Variants in JDP2 observed in about 807,000 individuals in gnomAD.
JDP2 encodes the protein Jun dimerization protein 2.
In JDP2, 9 loss-of-function variants were observed where a neutral mutation model predicts 17.1. The observed-to-expected ratio is 0.53, with a 90% confidence interval of 0.32 to 0.92. The LOEUF is 0.92. Ranked by LOEUF, JDP2 falls within the 40% of genes least tolerant of loss-of-function variation. The probability of loss-of-function intolerance (pLI) is 0.04; values close to 1 mark genes in which losing one functional copy is unlikely to be tolerated. For missense variants in JDP2, 179 were observed against 220.0 expected (o/e 0.81, Z 1.18); for synonymous variants, 107 against 95.6 (o/e 1.12, Z -0.69).
intron 3 of JDP2, among the ~76,000 whole-genome samples, chr14:75,462,664 G>A (rs1164767034): frequency 6.6e-6 from 1 of 152,176 alleles, no homozygotes; most frequent in African/African-American, 2.4e-5. Flanking sequence ...TACACTGGGG[G>A]CACACAGGAA....
rs748749062 is a variant in JDP2, at chr14:75,438,004, G to A, written c.84G>A (p.Ser28=). Residue 28 remains serine (S), a synonymous_variant, in exon 2 of 4, where the codon TCG becomes TCA. Transcript: ENST00000651602. ...GLGPLTGLPS[S]ALTVEELKYA... is the part of the protein sequence containing the mutation. ...GCCCCCTGACCGGGCTCCCCAGCTC[G>A]GCCCTGACTGTGGAGGAGCTGAAAT... 41 of 1,613,698 alleles carry A rather than the reference G, an allele frequency of 2.5e-5. No homozygotes were observed. Among genetic ancestry groups the A allele is most frequent in the African/African-American group, 6.7e-5 (5 of 74,950 alleles).
intron 2 of JDP2, among the ~76,000 whole-genome samples, chr14:75,452,161 A>T (rs78453855): frequency 6.6e-6 from 1 of 152,214 alleles, no homozygotes; most frequent in Admixed American, 6.5e-5. Context: ...TGAAGGCTGG[A>T]TGAATGAAAA....
rs1476963221 is a variant in JDP2, at chr14:75,472,296, T to C, written c.*2821T>C. ...GAGGTAACCTGCCCAAGGTCACAGG[T>C]GTTAGGTGGCAGAGCCAAGATGTTA... On this transcript the variant is annotated 3_prime_UTR_variant, in exon 4 of 4. Transcript: ENST00000651602. 1 of 152,026 alleles carries C rather than the reference T, an allele frequency of 6.6e-6. No homozygotes were observed. Among genetic ancestry groups the C allele is most frequent in the African/African-American group, 2.4e-5 (1 of 41,382 alleles). 9.4% of individuals were successfully genotyped at this position (152,026 alleles called of 1,614,324 possible).
intron 2 of JDP2, among the ~76,000 whole-genome samples, chr14:75,457,702 GT>G (rs901624207): frequency 6.6e-6 from 1 of 152,216 alleles, no homozygotes; most frequent in African/African-American, 2.4e-5. Context: ...CACACCCTAA[GT>G]TTTTTCCTGG....
intron 1 of JDP2, among the ~76,000 whole-genome samples, chr14:75,437,522 G>A (rs1459061058): frequency 6.6e-6 from 1 of 152,176 alleles, no homozygotes; most frequent in Admixed American, 6.6e-5. Context: ...AACCTTAAGC[G>A]AATTATCATT....
intron 3 of JDP2, among the ~76,000 whole-genome samples, chr14:75,466,168 C>T (rs1267803078): frequency 6.6e-6 from 1 of 152,134 alleles, no homozygotes; most frequent in African/African-American, 2.4e-5. Flanking sequence ...TGGCTGGGCG[C>T]GGTGGCTCAT....
At chr14:75,460,535 A>G (rs1334815551) in intron 2 of JDP2, among the ~76,000 whole-genome samples, 2 of 152,148 alleles carry the variant, frequency 1.3e-5, no homozygotes, top group Non-Finnish European at 2.9e-5. Context: ...CATGCCCAAG[A>G]CGTTTTTAAA....
chr14:75,439,722 C>T (rs1885246386), intron 2 of JDP2, among the ~76,000 whole-genome samples: 1 of 152,170 alleles, frequency 6.6e-6, no homozygotes, highest in African/African-American at 2.4e-5. Flanking sequence ...GCCAATGTGT[C>T]GTTGGGGCAC....
chr14:75,437,281 A>G (rs1321705671), intron 1 of JDP2, among the ~76,000 whole-genome samples: 3 of 151,986 alleles, frequency 2.0e-5, no homozygotes, highest in Non-Finnish European at 4.4e-5. Context: ...TTCCTCATAG[A>G]TAGCACACAC....
At chr14:75,436,090 C>G (rs912170171) in intron 1 of JDP2, among the ~76,000 whole-genome samples, 3 of 152,204 alleles carry the variant, frequency 2.0e-5, no homozygotes, top group Non-Finnish European at 4.4e-5. Context: ...AGAAATAGAA[C>G]TTATTGGGAA....
At chr14:75,468,848 C>T (rs1056836336) in intron 3 of JDP2, among the ~76,000 whole-genome samples, 7 of 152,240 alleles carry the variant, frequency 4.6e-5, no homozygotes, top group African/African-American at 7.2e-5. Flanking sequence ...AGCACGTTGC[C>T]GTTACACTGC....
intron 2 of JDP2, 60 bp downstream of exon 2, chr14:75,438,181 C>T (rs1330171416): frequency 1.5e-6 from 2 of 1,307,212 alleles, no homozygotes; most frequent in Non-Finnish European, 2.1e-6. Context: ...ACCATGGGAC[C>T]TTAACCTTGC....
chr14:75,443,976 C>G (rs1216411276), intron 2 of JDP2, among the ~76,000 whole-genome samples: 1 of 151,792 alleles, frequency 6.6e-6, no homozygotes, highest in Non-Finnish European at 1.5e-5. Context: ...GATCTTGGCT[C>G]ACTGCAGCCT....
At chr14:75,438,454 G>A (rs1025053703) in intron 2 of JDP2, among the ~76,000 whole-genome samples, 1 of 152,230 alleles carries the variant, frequency 6.6e-6, no homozygotes, top group Non-Finnish European at 1.5e-5. Flanking sequence ...TCTCTCTGGG[G>A]TGGTGGGAGG....
At chr14:75,440,472 A>T (rs1039816895) in intron 2 of JDP2, among the ~76,000 whole-genome samples, 2 of 152,220 alleles carry the variant, frequency 1.3e-5, no homozygotes, top group South Asian at 4.1e-4. Context: ...GCGGATTTTC[A>T]TATTGGCATT....
At chr14:75,457,859 G>A (rs551295931) in intron 2 of JDP2, among the ~76,000 whole-genome samples, 6 of 152,232 alleles carry the variant, frequency 3.9e-5, no homozygotes, top group African/African-American at 4.8e-5. Context: ...AGGCCACCCC[G>A]GCAGAGAAAG....
chr14:75,463,930 G>A (rs1886453942), intron 3 of JDP2, among the ~76,000 whole-genome samples: 1 of 152,242 alleles, frequency 6.6e-6, no homozygotes, highest in African/African-American at 2.4e-5. Context: ...AAGGGCTGCA[G>A]GAGGGGAGAC....
Position 75,432,283 on chromosome 14 carries a change from C to G in JDP2, c.-24+4031C>G, listed in dbSNP as rs893941225. On this transcript the variant is annotated intron_variant, in intron 1 of 3. Coordinates refer to ENST00000651602, the MANE Select transcript of JDP2 (RefSeq NM_001135048.2). ...AAGAGAGAGGTCATCCTGGGTGATT[C>G]CTTAGCTCCAAGAAGAGGCTTGGTG... The G allele has an allele frequency of 8.4e-6, 13 of 1,548,740 alleles. No homozygotes were observed. In the African/African-American group the frequency reaches 1.5e-4, roughly 18 times the overall value.
chr14:75,467,734 C>A (rs907380428), intron 3 of JDP2, among the ~76,000 whole-genome samples: 5 of 152,166 alleles, frequency 3.3e-5, no homozygotes, highest in African/African-American at 1.2e-4. Flanking sequence ...CACGAGGGGT[C>A]TCTCCTGGCC....
Sources: allele counts gnomAD v4.1 joint callset (sites outside exome capture counted in the v4.1 genomes callset), GRCh38; gene constraint gnomAD v4.1.1; transcripts MANE v1.5; gene names NCBI Gene and HGNC (gene_info 2026-07-23, HGNC 2026-07-21).